Variants in STK31 observed in about 807,000 individuals in gnomAD.
The protein encoded by STK31 is serine/threonine kinase 31, also known as serine/threonine-protein kinase 31.
Under a neutral mutation model 129.7 loss-of-function variants are expected in STK31, and 89 were observed. The observed-to-expected ratio is 0.69, with a 90% CI of 0.58 to 0.82. The LOEUF is 0.82. Among genes scored for constraint, STK31 ranks in the 40% least tolerant of loss-of-function variants. The pLI is 0.00. For missense variants in STK31, 1,187 were observed against 1,176.4 expected, an observed-to-expected ratio of 1.01 and a Z score of -0.13; for synonymous variants, 448 against 395.3, an observed-to-expected ratio of 1.13 and a Z score of -1.58.
intron 18 of STK31, among the ~76,000 whole-genome samples, chr7:23,785,807 A>G (rs961323821): frequency 2.0e-5 from 3 of 149,736 alleles, no homozygotes; most frequent in African/African-American, 7.4e-5. Flanking sequence ...GAACACTTGG[A>G]CACAGGGCGG....
chr7:23,714,872 A>G (rs1246903629), intron 3 of STK31, among the ~76,000 whole-genome samples: 1 of 152,210 alleles, frequency 6.6e-6, no homozygotes, highest in Non-Finnish European at 1.5e-5. Context: ...CTGCCAACAT[A>G]GTGCAAAGCA....
At chr7:23,809,196 T>C (rs1435882654) in intron 22 of STK31, among the ~76,000 whole-genome samples, 1 of 149,908 alleles carries the variant, frequency 6.7e-6, no homozygotes, top group African/African-American at 2.5e-5. Context: ...GAAATGTGAC[T>C]ACTCCTTGGC....
Position 23,808,943 on chromosome 7 carries a change from T to TTGTG in STK31, c.2761-6176_2761-6173dup, listed in dbSNP as rs1554297249. Among the ~76,000 whole-genome samples, 195 of 84,530 alleles carry TTGTG rather than the reference T, an allele frequency of 2.3e-3. 2 individuals are homozygous for TTGTG. The highest frequency in any genetic ancestry group is 4.8e-3 in the African/African-American group (136 of 28,314). 55.5% of individuals were successfully genotyped at this position (84,530 alleles called of 152,430 possible). A position where few individuals can be genotyped will look rare whatever the true frequency, so the allele number is the denominator to read the frequency against. On this transcript the variant is annotated intron_variant, in intron 22 of 23. Coordinates refer to ENST00000355870, the MANE Select transcript of STK31 (RefSeq NM_031414.5). The stretch of plus-strand genomic sequence containing the variant: ...AGGAAGCAGGCTTTTCTTGGAGCTT[T>TTGTG]TGTGTGTGTGTGTGTGTGTGTGTGT...
At chr7:23,724,374 G>T (rs1211501631) in intron 4 of STK31, among the ~76,000 whole-genome samples, 1 of 152,198 alleles carries the variant, frequency 6.6e-6, no homozygotes, top group African/African-American at 2.4e-5. Flanking sequence ...ATTGGAGTTT[G>T]TCCGGCTTTC....
chr7:23,820,946 G>C (rs1344404994), intron 23 of STK31, among the ~76,000 whole-genome samples: 1 of 152,132 alleles, frequency 6.6e-6, no homozygotes, highest in East Asian at 1.9e-4. Flanking sequence ...ATTGATGGAC[G>C]CTTAGGTTGG....
At chr7:23,715,295 C>T (rs553148811) in intron 3 of STK31, among the ~76,000 whole-genome samples, 4 of 152,078 alleles carry the variant, frequency 2.6e-5, no homozygotes, top group Admixed American at 6.6e-5. Context: ...AGGAATCTGA[C>T]GTATTTGACT....
chr7:23,801,228 A>G (rs1792348850), intron 22 of STK31, among the ~76,000 whole-genome samples: 1 of 152,202 alleles, frequency 6.6e-6, no homozygotes, highest in African/African-American at 2.4e-5. Flanking sequence ...TATTGTTATT[A>G]TCTTCTATTT....
At chr7:23,825,602 G>A (rs1055769643) in intron 23 of STK31, among the ~76,000 whole-genome samples, 1 of 152,130 alleles carries the variant, frequency 6.6e-6, no homozygotes, top group Non-Finnish European at 1.5e-5. Context: ...ATGTACTTCA[G>A]TTCTGCTCTA....
chr7:23,772,239 A>G lies in STK31; in HGVS notation c.1926A>G (p.Leu642=), dbSNP rs777179214. 7.5e-6 allele frequency: 12 copies of G among 1,608,810 alleles called. No homozygotes were observed. The highest frequency in any genetic ancestry group is 2.2e-5 in the East Asian group (1 of 44,476). ...IKKTLKSLKA[L]LRWKLVEKSN... ...AGACATTGAAAAGCTTAAAAGCTCT[A>G]CTCAGATGGAAATTGGTTGAAAAGA... Residue 642 remains leucine (L), a synonymous_variant, in exon 15 of 24, where the codon CTA becomes CTG. Coordinates refer to ENST00000355870, the MANE Select transcript of STK31 (RefSeq NM_031414.5).
chr7:23,775,774 AAC>A (rs1226892063), intron 15 of STK31, among the ~76,000 whole-genome samples: 1 of 152,194 alleles, frequency 6.6e-6, no homozygotes, highest in Admixed American at 6.5e-5. Flanking sequence ...GTCATCTGCA[AAC>A]AGAGACAATT....
At position 23,769,634 on chromosome 7, in the gene STK31, A is replaced by T. The variant is rs752042793; in HGVS notation, c.1597-6A>T. ...GATATTTCATGTGTTTATTTTTGCA[A>T]ATGAGGTTTTTGACCTATCTGTGGA... On this transcript the variant is annotated splice_region_variant and splice_polypyrimidine_tract_variant and intron_variant, in intron 12 of 23. Coordinates refer to ENST00000355870, the MANE Select transcript of STK31 (RefSeq NM_031414.5). The T allele has an allele frequency of 2.5e-6, 4 of 1,585,238 alleles. No individual in the cohort carries two copies. The highest frequency in any genetic ancestry group is 3.5e-6 in the Non-Finnish European group (4 of 1,158,092).
At position 23,786,381 on chromosome 7, in the gene STK31, T is replaced by C. The variant is rs1791284997; in HGVS notation, c.2275-127T>C. 7 of 1,065,518 alleles carry C rather than the reference T, an allele frequency of 6.6e-6. No homozygotes were observed. In the South Asian group the frequency reaches 9.5e-5, roughly 14 times the overall value. 66.0% of individuals were successfully genotyped at this position (1,065,518 alleles called of 1,614,324 possible). On this transcript the variant is annotated intron_variant, in intron 18 of 23. Transcript: ENST00000355870. ...TTCAAAGAAGATAGAAAAGTACTTATAAAATTAAAAAATAAAATTAGATTT... is the reference window on the plus strand; with the variant it reads ...TTCAAAGAAGATAGAAAAGTACTTACAAAATTAAAAAATAAAATTAGATTT...
chr7:23,786,638 A>G lies in STK31; in HGVS notation c.2400+5A>G. 1 of 1,611,444 alleles carries G rather than the reference A, an allele frequency of 6.2e-7. No homozygotes were observed. Among genetic ancestry groups the G allele is most frequent in the Non-Finnish European group, 8.5e-7 (1 of 1,179,290 alleles). On this transcript the variant is annotated splice_donor_5th_base_variant and intron_variant, in intron 19 of 23. Transcript: ENST00000355870. ...ATATTCCTGTTTTTATGTAAGGTAAAGTTCTTATGCTAATCTCTTGCAGAA... is the reference window on the plus strand; with the variant it reads ...ATATTCCTGTTTTTATGTAAGGTAAGGTTCTTATGCTAATCTCTTGCAGAA...
chr7:23,816,598 A>G (rs1218177988), intron 23 of STK31, among the ~76,000 whole-genome samples: 1 of 152,188 alleles, frequency 6.6e-6, no homozygotes, highest in Non-Finnish European at 1.5e-5. Flanking sequence ...GTTTATTAGA[A>G]TGAGGACCTC....
intron 17 of STK31, among the ~76,000 whole-genome samples, chr7:23,784,958 T>G (rs897017182): frequency 4.6e-5 from 7 of 152,220 alleles, no homozygotes; most frequent in African/African-American, 1.7e-4. Context: ...TTTGTCATTA[T>G]TTTACCTTAT....
intron 22 of STK31, among the ~76,000 whole-genome samples, chr7:23,812,413 C>CT (rs66609610): frequency 0.027 from 2,959 of 110,712 alleles, 65 homozygotes; most frequent in African/African-American, 0.067. Flanking sequence ...CATTCCTTTC[C>CT]TTTTTTTTTT....
Position 23,769,571 on chromosome 7 carries a change from G to T in STK31, c.1597-69G>T. ...GGGTATAGCTTAATACTCTGCTTCA[G>T]GTATTAAGGCACGATGAATGCTGAT... On this transcript the variant is annotated intron_variant, in intron 12 of 23. Coordinates refer to ENST00000355870, the MANE Select transcript of STK31 (RefSeq NM_031414.5). The T allele has an allele frequency of 2.8e-6, 3 of 1,058,426 alleles. 1 individual carries two copies. The South Asian group carries it at 4.3e-5, about 15-fold the overall frequency. The allele number at this position is 1,058,426 out of a possible 1,614,324, so 65.6% of individuals were successfully genotyped here.
At chr7:23,825,396 A>G (rs374090985) in intron 23 of STK31, among the ~76,000 whole-genome samples, 3 of 152,308 alleles carry the variant, frequency 2.0e-5, no homozygotes, top group South Asian at 2.1e-4. Context: ...AGAGGTGTTT[A>G]TAGTATTCTC....
chr7:23,820,054 G>T (rs1793708998), intron 23 of STK31, among the ~76,000 whole-genome samples: 1 of 152,166 alleles, frequency 6.6e-6, no homozygotes, highest in South Asian at 2.1e-4. Context: ...GGAGAAGGAA[G>T]TAATAAAATT....
Sources: gnomAD v4.1 joint callset for allele counts (sites outside exome capture counted in the v4.1 genomes callset) on GRCh38, gnomAD v4.1.1 for gene constraint, MANE v1.5 for transcripts, NCBI Gene and HGNC (gene_info 2026-07-23, HGNC 2026-07-21) for gene names.